EML4: variants seen among roughly 807,000 people sequenced by gnomAD.
EML4 encodes EMAP like 4.
A neutral mutation model predicts 129.0 loss-of-function variants in EML4; 72 were observed. The observed-to-expected ratio is 0.56, with a 90% CI of 0.46 to 0.68. The LOEUF (loss-of-function observed/expected upper bound fraction) is 0.68, where lower values mean the gene tolerates loss of function less well. Among genes scored for constraint, EML4 ranks in the 30% least tolerant of loss-of-function variants. The pLI is 0.00. For missense variants in EML4, 1,363 were observed against 1,190.6 expected (o/e 1.14, Z -2.13); for synonymous variants, 532 against 405.0 (o/e 1.31, Z -3.77).
At chr2:42,269,127 GAAGT>G (rs1666229512) in intron 6 of EML4, among the ~76,000 whole-genome samples, 1 of 152,160 alleles carries the variant, frequency 6.6e-6, no homozygotes, top group African/African-American at 2.4e-5. Context: ...AGAAAATTGA[GAAGT>G]AATTGACTGT....
chr2:42,260,427 A>C (rs1665658348), intron 3 of EML4, among the ~76,000 whole-genome samples: 1 of 151,206 alleles, frequency 6.6e-6, no homozygotes, highest in East Asian at 2.0e-4. Context: ...CGCCCTCCCA[A>C]AGTGCTTGGA....
At chr2:42,203,566 A>T (rs910814129) in intron 1 of EML4, among the ~76,000 whole-genome samples, 1 of 151,920 alleles carries the variant, frequency 6.6e-6, no homozygotes, top group African/African-American at 2.4e-5. Flanking sequence ...GTTATACAAG[A>T]TGGCTAGTCT....
intron 11 of EML4, among the ~76,000 whole-genome samples, chr2:42,292,761 A>C (rs1331640892): frequency 6.6e-6 from 1 of 152,190 alleles, no homozygotes; most frequent in East Asian, 1.9e-4. Context: ...ATATGTATAT[A>C]AAATATATAT....
chr2:42,178,826 G>GCACTTA (rs1670767961), intron 1 of EML4, among the ~76,000 whole-genome samples: 1 of 152,170 alleles, frequency 6.6e-6, no homozygotes, highest in Non-Finnish European at 1.5e-5. Context: ...AGGGGGCTGA[G>GCACTTA]CACTTACACC....
At chr2:42,277,925 T>G (rs891982736) in intron 6 of EML4, among the ~76,000 whole-genome samples, 3 of 152,202 alleles carry the variant, frequency 2.0e-5, no homozygotes, top group Admixed American at 1.3e-4. Context: ...AAGTAATTAA[T>G]CTTTCCTTCC....
chr2:42,321,879 A>G (rs779410056), intron 19 of EML4, among the ~76,000 whole-genome samples: 2 of 152,252 alleles, frequency 1.3e-5, no homozygotes, highest in Non-Finnish European at 1.5e-5. Context: ...CAACAAAAGC[A>G]CAGGAAGCTG....
intron 1 of EML4, among the ~76,000 whole-genome samples, chr2:42,231,620 T>G (rs1329071820): frequency 6.6e-6 from 1 of 152,226 alleles, no homozygotes; most frequent in Non-Finnish European, 1.5e-5. Flanking sequence ...AATGACCATA[T>G]TCCATCAATT....
In EML4 at chr2:42,325,602, T is replaced by TTA. The variant is rs10530482; in HGVS notation, c.2242+84_2242+85dup. Reference sequence around the variant, plus strand: ...ATATATATATATGCTATGATTATATTTATATATATATATATATATATATAT... The same window carrying TTA: ...ATATATATATATGCTATGATTATATTTATATATATATATATATATATATATAT... On this transcript the variant is annotated intron_variant, in intron 20 of 22. Transcript: ENST00000318522. 2.7e-3 allele frequency: 349 copies of TTA among 129,270 alleles called. 6 individuals carry two copies. Among genetic ancestry groups the TTA allele is most frequent in the Admixed American group, 4.3e-3 (30 of 6,938 alleles). 8.0% of individuals were successfully genotyped at this position (129,270 alleles called of 1,614,324 possible). A position where few individuals can be genotyped will look rare whatever the true frequency, so the allele number is the denominator to read the frequency against.
chr2:42,303,448 T>G lies in EML4; in HGVS notation c.1899+2T>G. On this transcript the variant is annotated splice_donor_variant, in intron 16 of 22. Coordinates refer to ENST00000318522, the MANE Select transcript of EML4 (RefSeq NM_019063.5). LOFTEE classifies it high-confidence loss of function. ...CTGGAATGGACCAGGCTGGTAGATG[T>G]GAGTGAAGCAGGATGTGATTATTAA... The G allele has an allele frequency of 6.2e-7, 1 of 1,613,002 alleles. No homozygotes were observed. Among genetic ancestry groups the G allele is most frequent in the Non-Finnish European group, 8.5e-7 (1 of 1,179,352 alleles).
intron 2 of EML4, among the ~76,000 whole-genome samples, chr2:42,245,944 A>G (rs1400650830): frequency 6.6e-6 from 1 of 152,126 alleles, no homozygotes; most frequent in Non-Finnish European, 1.5e-5. Flanking sequence ...GTATCTTCCA[A>G]CTAGATGATA....
At chr2:42,326,093 C>T in intron 20 of EML4, 61 bp from the exon 21 acceptor site, 1 of 1,587,306 alleles carries the variant, frequency 6.3e-7, no homozygotes, top group South Asian at 1.1e-5. Context: ...AATCAAGATG[C>T]ACTTTCAAAT....
chr2:42,295,278 T>C lies in EML4; in HGVS notation c.1353+19T>C. The C allele has an allele frequency of 1.9e-6, 3 of 1,611,974 alleles. No individual in the cohort carries two copies. Among genetic ancestry groups the C allele is most frequent in the Non-Finnish European group, 2.5e-6 (3 of 1,179,208 alleles). On this transcript the variant is annotated intron_variant, in intron 12 of 22. Coordinates refer to ENST00000318522, the MANE Select transcript of EML4 (RefSeq NM_019063.5). The stretch of plus-strand genomic sequence containing the variant: ...TTTTGGGGTAAGAATCAGATTGTTT[T>C]AATGTCATTAGGTGTATAAGACTTT...
At chr2:42,202,724 A>G (rs1672304492) in intron 1 of EML4, among the ~76,000 whole-genome samples, 1 of 152,078 alleles carries the variant, frequency 6.6e-6, no homozygotes. Flanking sequence ...GATTGTGCCC[A>G]CCCCGATTGA....
intron 1 of EML4, among the ~76,000 whole-genome samples, chr2:42,236,287 G>C (rs927781005): frequency 6.6e-6 from 1 of 152,178 alleles, no homozygotes; most frequent in Non-Finnish European, 1.5e-5. Context: ...CTGATATTCT[G>C]TTGGTTGTTA....
chr2:42,251,325 C>T (rs1412671431), intron 2 of EML4, among the ~76,000 whole-genome samples: 1 of 152,182 alleles, frequency 6.6e-6, no homozygotes, highest in Non-Finnish European at 1.5e-5. Context: ...ATATGCAGTC[C>T]ATCGTGGAAC....
rs10530482 is a variant in EML4 at position 42,325,602 on chromosome 2, T to TTATATATATATATATATA, written c.2242+68_2242+85dup. The TTATATATATATATATATA allele has an allele frequency of 5.6e-3, 726 of 128,806 alleles. 23 individuals are homozygous for TTATATATATATATATATA. The highest frequency in any genetic ancestry group is 0.011 in the Admixed American group (72 of 6,856). 8.0% of individuals were successfully genotyped at this position (128,806 alleles called of 1,614,324 possible). A position where few individuals can be genotyped will look rare whatever the true frequency, so the allele number is the denominator to read the frequency against. ...ATATATATATATGCTATGATTATAT[T>TTATATATATATATATATA]TATATATATATATATATATATATAT... On this transcript the variant is annotated intron_variant, in intron 20 of 22. Transcript: ENST00000318522.
At position 42,255,320 on chromosome 2, in the gene EML4, C is replaced by T. The variant is rs570742791; in HGVS notation, c.209-1181C>T. 1.1e-3 allele frequency among the ~76,000 whole-genome samples: 160 copies of T among 152,144 alleles called. 1 individual carries two copies. Among genetic ancestry groups the T allele is most frequent in the African/African-American group, 3.8e-3 (156 of 41,522 alleles). ...CAGGATGGACTCGATCTCCTGACCT[C>T]GTGATCCGCCCACCTCAGCCTCCCA... On this transcript the variant is annotated intron_variant, in intron 2 of 22. Coordinates refer to ENST00000318522, the MANE Select transcript of EML4 (RefSeq NM_019063.5).
chr2:42,307,244 G>A (rs1668659977), intron 17 of EML4, among the ~76,000 whole-genome samples: 1 of 152,206 alleles, frequency 6.6e-6, no homozygotes, highest in African/African-American at 2.4e-5. Flanking sequence ...ACATAGCTGT[G>A]AAGTCATCAT....
In EML4 at chr2:42,263,128, A is replaced by G. The variant is rs185738356; in HGVS notation, c.513-50A>G. On this transcript the variant is annotated intron_variant, in intron 4 of 22. Coordinates refer to ENST00000318522, the MANE Select transcript of EML4 (RefSeq NM_019063.5). ...GTGTTCTGTTTAAATTGTCAGTTAC[A>G]TGTCTTTGATACTCAGAATTTTTCT... 1.4e-5 allele frequency: 20 copies of G among 1,480,936 alleles called. No homozygotes were observed. The East Asian group carries it at 1.4e-4, about 10-fold the overall frequency. 91.7% of individuals were successfully genotyped at this position (1,480,936 alleles called of 1,614,324 possible). A position where few individuals can be genotyped will look rare whatever the true frequency, so the allele number is the denominator to read the frequency against.
Sources: gnomAD v4.1 joint callset for allele counts (sites outside exome capture counted in the v4.1 genomes callset) on GRCh38, gnomAD v4.1.1 for gene constraint, MANE v1.5 for transcripts, NCBI Gene and HGNC (gene_info 2026-07-23, HGNC 2026-07-21) for gene names.